Variants in ERBB4 observed in about 807,000 individuals in gnomAD.
ERBB4 encodes the protein erb-b2 receptor tyrosine kinase 4, also known as receptor tyrosine-protein kinase erbB-4.
ERBB4 carries 42 observed loss-of-function variants against 158.0 expected under a neutral mutation model. That is an observed-to-expected ratio of 0.27 (90% CI 0.21 to 0.34). The LOEUF is 0.34. Among genes scored for constraint, ERBB4 ranks in the 10% least tolerant of loss-of-function variants. ERBB4 has a pLI of 1.00. For missense variants in ERBB4, 1,333 were observed against 1,624.1 expected (o/e 0.82, Z 3.08); for synonymous variants, 583 against 558.7 (o/e 1.04, Z -0.61).
intron 2 of ERBB4, among the ~76,000 whole-genome samples, chr2:212,040,483 A>G (rs1046927452): frequency 1.3e-5 from 2 of 152,170 alleles, no homozygotes; most frequent in Non-Finnish European, 2.9e-5. Context: ...ATGGCTTTGC[A>G]GCTTGCTATC....
chr2:211,930,422 GCTA>G (rs1396704963), intron 3 of ERBB4, among the ~76,000 whole-genome samples: 2 of 152,132 alleles, frequency 1.3e-5, no homozygotes, highest in Non-Finnish European at 2.9e-5. Flanking sequence ...CTTGTGAAAT[GCTA>G]CTAAGATACC....
At chr2:212,371,027 A>C (rs547650532) in intron 1 of ERBB4, among the ~76,000 whole-genome samples, 2 of 152,288 alleles carry the variant, frequency 1.3e-5, no homozygotes, top group East Asian at 3.9e-4. Context: ...CTAACTGGAT[A>C]TGAACTAGAG....
intron 2 of ERBB4, among the ~76,000 whole-genome samples, chr2:212,006,105 T>A (rs1163157075): frequency 1.3e-5 from 2 of 152,176 alleles, no homozygotes; most frequent in African/African-American, 2.4e-5. Context: ...ATCAAAAATG[T>A]TCACCTAACC....
At chr2:212,527,714 A>ATTTAT (rs1424898743) in intron 1 of ERBB4, among the ~76,000 whole-genome samples, 1 of 148,608 alleles carries the variant, frequency 6.7e-6, no homozygotes. Flanking sequence ...TTATTTATTT[A>ATTTAT]TTATTATACT....
chr2:212,487,737 A>T (rs1690052342), intron 1 of ERBB4, among the ~76,000 whole-genome samples: 1 of 152,144 alleles, frequency 6.6e-6, no homozygotes, highest in African/African-American at 2.4e-5. Context: ...AGCATAAAAG[A>T]GGAGCACCAA....
intron 2 of ERBB4, among the ~76,000 whole-genome samples, chr2:212,015,782 G>A (rs1434723440): frequency 6.6e-6 from 1 of 152,038 alleles, no homozygotes; most frequent in Non-Finnish European, 1.5e-5. Context: ...TTCAACAGGA[G>A]GATGACCCAC....
intron 4 of ERBB4, among the ~76,000 whole-genome samples, chr2:211,754,483 C>T (rs879838435): frequency 7.4e-4 from 111 of 150,674 alleles, no homozygotes; most frequent in Non-Finnish European, 1.3e-3. Flanking sequence ...CTCACTGCAA[C>T]CTCTGCCTCC....
chr2:211,868,699 A>C (rs1247761332), intron 3 of ERBB4, among the ~76,000 whole-genome samples: 1 of 152,036 alleles, frequency 6.6e-6, no homozygotes, highest in Non-Finnish European at 1.5e-5. Context: ...AGATTCTGAT[A>C]CTCTATACCC....
At chr2:211,928,739 G>A (rs1000751012) in intron 3 of ERBB4, among the ~76,000 whole-genome samples, 1 of 152,200 alleles carries the variant, frequency 6.6e-6, no homozygotes, top group African/African-American at 2.4e-5. Flanking sequence ...TGTCTGTCTT[G>A]TGAAGAAGTA....
intron 22 of ERBB4, among the ~76,000 whole-genome samples, chr2:211,424,667 A>G (rs1004397593): frequency 1.3e-5 from 2 of 152,128 alleles, no homozygotes; most frequent in Non-Finnish European, 2.9e-5. Flanking sequence ...ATACATATGT[A>G]TTCAGTACCA....
At chr2:211,398,186 G>A (rs146579204) in intron 25 of ERBB4, among the ~76,000 whole-genome samples, 292 of 152,074 alleles carry the variant, frequency 1.9e-3, no homozygotes, top group African/African-American at 6.7e-3. Flanking sequence ...TATCTTTCAT[G>A]TCTCCTCTAC....
At chr2:211,841,332 C>T (rs1559564316) in intron 3 of ERBB4, among the ~76,000 whole-genome samples, 1 of 152,014 alleles carries the variant, frequency 6.6e-6, no homozygotes. Context: ...TCAAAATTAA[C>T]TTTTACAACT....
intron 20 of ERBB4, among the ~76,000 whole-genome samples, chr2:211,516,872 C>T (rs910169703): frequency 8.7e-5 from 13 of 150,044 alleles, no homozygotes; most frequent in African/African-American, 3.2e-4. Context: ...TTGTTTTCTA[C>T]TGAGGCTAAT....
At chr2:211,653,217 T>C (rs561717339) in intron 16 of ERBB4, among the ~76,000 whole-genome samples, 1 of 151,980 alleles carries the variant, frequency 6.6e-6, no homozygotes, top group African/African-American at 2.4e-5. Context: ...TAGGGAGAGG[T>C]TCTAAAATAT....
intron 3 of ERBB4, among the ~76,000 whole-genome samples, chr2:211,860,866 A>C (rs2106070769): frequency 6.9e-6 from 1 of 144,326 alleles, no homozygotes; most frequent in Non-Finnish European, 1.5e-5. Flanking sequence ...TAAATCATTA[A>C]TTTTATTTCT....
intron 1 of ERBB4, among the ~76,000 whole-genome samples, chr2:212,389,866 T>C (rs1446993396): frequency 6.6e-6 from 1 of 151,878 alleles, no homozygotes; most frequent in African/African-American, 2.4e-5. Context: ...GAAATTCAGC[T>C]GATGTTATTA....
intron 1 of ERBB4, among the ~76,000 whole-genome samples, chr2:212,512,126 G>A (rs1207406973): frequency 6.6e-6 from 1 of 152,094 alleles, no homozygotes; most frequent in African/African-American, 2.4e-5. Context: ...CCCAGGGATG[G>A]GGGACAATTG....
At chr2:212,190,284 C>T (rs2082146471) in intron 1 of ERBB4, among the ~76,000 whole-genome samples, 1 of 152,180 alleles carries the variant, frequency 6.6e-6, no homozygotes, top group African/African-American at 2.4e-5. Context: ...AGCCTGTAAT[C>T]CCAGCACTTT....
intron 20 of ERBB4, among the ~76,000 whole-genome samples, chr2:211,476,691 T>C (rs1324237881): frequency 6.6e-6 from 1 of 151,958 alleles, no homozygotes; most frequent in African/African-American, 2.4e-5. Flanking sequence ...TGTTGAATAA[T>C]GGAAGCGATT....
Sources: allele counts gnomAD v4.1 joint callset (sites outside exome capture counted in the v4.1 genomes callset), GRCh38; gene constraint gnomAD v4.1.1; transcripts MANE v1.5; gene names NCBI Gene and HGNC (gene_info 2026-07-23, HGNC 2026-07-21).